Variants in WWOX observed in about 807,000 individuals in gnomAD.
WWOX encodes WW domain containing oxidoreductase.
Under a neutral mutation model 46.2 loss-of-function variants are expected in WWOX, and 69 were observed. The observed-to-expected ratio is 1.49, with a 90% CI of 1.23 to 1.82. WWOX has a LOEUF of 1.82. WWOX is among the 40% of genes most tolerant of loss of function. The pLI is 0.00. For missense variants in WWOX, 919 were observed against 542.6 expected (o/e 1.69, Z -6.89); for synonymous variants, 359 against 202.6 (o/e 1.77, Z -6.56).
intron 6 of WWOX, among the ~76,000 whole-genome samples, chr16:78,408,178 C>G (rs893126260): frequency 6.6e-6 from 1 of 152,172 alleles, no homozygotes; most frequent in South Asian, 2.1e-4. Flanking sequence ...AGATTGAGAA[C>G]TTGTCTTCTT....
intron 8 of WWOX, among the ~76,000 whole-genome samples, chr16:79,042,460 T>C (rs899763207): frequency 6.6e-6 from 1 of 152,216 alleles, no homozygotes; most frequent in Middle Eastern, 3.2e-3. Context: ...TTTATCTTCC[T>C]CTGCCCAGTG....
chr16:79,098,458 A>T (rs1484973584), intron 8 of WWOX, among the ~76,000 whole-genome samples: 1 of 152,208 alleles, frequency 6.6e-6, no homozygotes, highest in Non-Finnish European at 1.5e-5. Flanking sequence ...GCATATTAAG[A>T]ACTGTCTGGA....
chr16:78,463,828 G>C (rs2084010473), intron 8 of WWOX, among the ~76,000 whole-genome samples: 1 of 152,186 alleles, frequency 6.6e-6, no homozygotes, highest in Non-Finnish European at 1.5e-5. Context: ...AGGGAGTTTT[G>C]TTTGCAAATG....
chr16:78,940,684 T>TTG (rs961155230), intron 8 of WWOX, among the ~76,000 whole-genome samples: 1 of 151,584 alleles, frequency 6.6e-6, no homozygotes, highest in African/African-American at 2.4e-5. Flanking sequence ...CTTTTTTTTT[T>TTG]TTTTTCCTTT....
chr16:78,209,223 G>A (rs902626060), intron 5 of WWOX, among the ~76,000 whole-genome samples: 2 of 133,780 alleles, frequency 1.5e-5, no homozygotes, highest in Non-Finnish European at 3.4e-5. Context: ...GTCGTGATGT[G>A]ACTGTGACGT....
At chr16:78,773,628 C>T (rs2050119862) in intron 8 of WWOX, among the ~76,000 whole-genome samples, 1 of 152,160 alleles carries the variant, frequency 6.6e-6, no homozygotes, top group African/African-American at 2.4e-5. Context: ...AGTGCAGGTG[C>T]CTCTCATTGT....
intron 5 of WWOX, among the ~76,000 whole-genome samples, chr16:78,197,044 A>T (rs537361997): frequency 6.6e-6 from 1 of 152,330 alleles, no homozygotes; most frequent in East Asian, 1.9e-4. Flanking sequence ...TGCAAATAAT[A>T]GCAGTTAGTG....
intron 8 of WWOX, among the ~76,000 whole-genome samples, chr16:78,671,691 G>A (rs1179381397): frequency 6.6e-6 from 1 of 152,140 alleles, no homozygotes; most frequent in African/African-American, 2.4e-5. Flanking sequence ...TTGGCATAGT[G>A]CCTGATTCAG....
At chr16:79,033,525 A>G (rs1299387121) in intron 8 of WWOX, among the ~76,000 whole-genome samples, 1 of 151,992 alleles carries the variant, frequency 6.6e-6, no homozygotes, top group Non-Finnish European at 1.5e-5. Flanking sequence ...GATTTTCCAG[A>G]TTTCCCCTGG....
At chr16:78,262,005 G>A (rs1429805378) in intron 5 of WWOX, among the ~76,000 whole-genome samples, 18 of 145,776 alleles carry the variant, frequency 1.2e-4, no homozygotes, top group Middle Eastern at 7.6e-3. Flanking sequence ...AGAAAGAATC[G>A]CTTGAACCTG....
At chr16:79,196,598 C>A (rs1322684296) in intron 8 of WWOX, 1 of 152,212 alleles carries the variant, frequency 6.6e-6, no homozygotes, top group Non-Finnish European at 1.5e-5. Context: ...GCCCTAGCCT[C>A]TCTTCTCCTG....
chr16:79,168,477 T>A (rs1022589157), intron 8 of WWOX, among the ~76,000 whole-genome samples: 41 of 152,336 alleles, frequency 2.7e-4, no homozygotes, highest in African/African-American at 8.9e-4. Context: ...AAGTTGTGCA[T>A]GTGCAACTGA....
intron 8 of WWOX, among the ~76,000 whole-genome samples, chr16:78,493,751 C>G (rs1597161868): frequency 1.3e-5 from 2 of 152,088 alleles, no homozygotes; most frequent in Non-Finnish European, 1.5e-5. Flanking sequence ...GATGAGAAAA[C>G]TGAGGCATAC....
chr16:78,791,660 C>G (rs558999571), intron 8 of WWOX, among the ~76,000 whole-genome samples: 165 of 152,160 alleles, frequency 1.1e-3, no homozygotes, highest in African/African-American at 3.8e-3. Context: ...GGTGGATCAC[C>G]TGAGGTCAGA....
intron 8 of WWOX, among the ~76,000 whole-genome samples, chr16:78,881,003 T>C (rs1247932989): frequency 6.7e-6 from 1 of 149,860 alleles, no homozygotes; most frequent in African/African-American, 2.5e-5. Flanking sequence ...TTTTTTTTTT[T>C]TTTTTTTGAG....
Position 79,212,116 on chromosome 16 carries a change from C to A in WWOX, c.*320C>A. On this transcript the variant is annotated 3_prime_UTR_variant, in exon 9 of 9. Transcript: ENST00000566780. ...AGCACCAGCAATTCTCTTTCTTTTA[C>A]TGTTATAGAATAGCCTGAGGTCCCC... 1 of 1,535,456 alleles carries A rather than the reference C, an allele frequency of 6.5e-7. No individual in the cohort carries two copies. Among genetic ancestry groups the A allele is most frequent in the Non-Finnish European group, 8.7e-7 (1 of 1,146,610 alleles).
chr16:78,880,901 G>T (rs1255185220), intron 8 of WWOX, among the ~76,000 whole-genome samples: 1 of 151,402 alleles, frequency 6.6e-6, no homozygotes, highest in Non-Finnish European at 1.5e-5. Flanking sequence ...TCAGACGTAG[G>T]TATAAGACCC....
intron 8 of WWOX, among the ~76,000 whole-genome samples, chr16:78,905,367 C>T (rs929429392): frequency 9.9e-5 from 15 of 152,186 alleles, no homozygotes; most frequent in South Asian, 4.1e-4. Context: ...TGTTGATGGA[C>T]GCTTGGAAGA....
chr16:78,406,851 C>A (rs186596445), intron 6 of WWOX, among the ~76,000 whole-genome samples: 98 of 152,268 alleles, frequency 6.4e-4, no homozygotes, highest in Non-Finnish European at 1.1e-3. Flanking sequence ...GTCTCAAACT[C>A]ATGACCTCAA....
Sources: allele counts gnomAD v4.1 joint callset (sites outside exome capture counted in the v4.1 genomes callset), GRCh38; gene constraint gnomAD v4.1.1; transcripts MANE v1.5; gene names NCBI Gene and HGNC (gene_info 2026-07-23, HGNC 2026-07-21).